The following BAZ2A variants were observed in gnomAD, a reference collection of about 807,000 sequenced individuals.
The protein encoded by BAZ2A is bromodomain adjacent to zinc finger domain 2A, also known as bromodomain adjacent to zinc finger domain protein 2A.
BAZ2A carries 34 observed loss-of-function variants against 199.9 expected under a neutral mutation model. The observed-to-expected ratio is 0.17, with a 90% CI of 0.13 to 0.23. The LOEUF (loss-of-function observed/expected upper bound fraction) is 0.23. BAZ2A is among the 10% of genes least tolerant of loss of function. The pLI, the probability that BAZ2A is intolerant of heterozygous loss-of-function variation, is 1.00. For missense variants in BAZ2A, 2,002 were observed against 2,391.1 expected, an observed-to-expected ratio of 0.84 and a Z score of 3.39; for synonymous variants, 857 against 883.9, an observed-to-expected ratio of 0.97 and a Z score of 0.54.
At chr12:56,606,204 G>A (rs1363160767) in intron 12 of BAZ2A, 43 bp downstream of exon 12, 2 of 1,612,204 alleles carry the variant, frequency 1.2e-6, no homozygotes, top group Non-Finnish European at 1.7e-6. Flanking sequence ...AATCAGTTTA[G>A]TGGCTTCGAA....
At chr12:56,635,191 T>C (rs1428868101), upstream of BAZ2A, among the ~76,000 whole-genome samples, 2 of 150,942 alleles carry the variant, frequency 1.3e-5, no homozygotes, top group African/African-American at 4.9e-5. This position sits in a 1 kb window ranked among gnomAD's most constrained non-coding sequence, Gnocchi z 4.1. Context: ...GGATCCCAGA[T>C]GGGAGGAAGA....
In BAZ2A at chr12:56,606,294, G is replaced by T. The variant is rs1333366468; in HGVS notation, c.2212C>A (p.Gln738Lys). Residue 738 changes from glutamine (Q) to lysine (K), a missense_variant, in exon 12 of 29, where the codon CAA becomes AAA. This residue lies in a region of BAZ2A where 1,081 missense variants were observed against 1,274.7 expected (regional missense o/e 0.85). Transcript: ENST00000549884. ...IQGQARNKRK[Q>K]ETKSLKQKEA... ...TTCTGCTTTAAGCTCTTGGTCTCTTGTTTCCGCTTATTTCTGGCCTGTAAA... is the reference window on the plus strand; with the variant it reads ...TTCTGCTTTAAGCTCTTGGTCTCTTTTTTCCGCTTATTTCTGGCCTGTAAA... 6.2e-7 allele frequency: 1 copy of T among 1,613,942 alleles called. No homozygotes were observed. The highest frequency in any genetic ancestry group is 1.1e-5 in the South Asian group (1 of 91,078).
chr12:56,598,410 G>C lies in BAZ2A; in HGVS notation c.*208C>G. The stretch of plus-strand genomic sequence containing the variant: ...TTTAGTCCAGAAGGACCTCATCTCT[G>C]CACCTCTTACTTGAGGAGCAAGAGG... On this transcript the variant is annotated 3_prime_UTR_variant, in exon 29 of 29. Coordinates refer to ENST00000549884, the MANE Select transcript of BAZ2A (RefSeq NM_001300905.2). 3.3e-6 allele frequency: 2 copies of C among 610,728 alleles called. No individual in the cohort carries two copies. Among genetic ancestry groups the C allele is most frequent in the Non-Finnish European group, 5.6e-6 (2 of 357,342 alleles). 37.8% of individuals were successfully genotyped at this position (610,728 alleles called of 1,614,324 possible). A position where few individuals can be genotyped will look rare whatever the true frequency, so the allele number is the denominator to read the frequency against.
At chr12:56,637,235 C>T (rs1951469375), upstream of BAZ2A, among the ~76,000 whole-genome samples, 1 of 152,206 alleles carries the variant, frequency 6.6e-6, no homozygotes, top group Non-Finnish European at 1.5e-5. Flanking sequence ...CGGAAAAGAA[C>T]ACAAGAGGAA....
In BAZ2A at chr12:56,606,691, T is replaced by C; in HGVS notation, c.2135A>G (p.Lys712Arg). ...TTGAACCTTCTGCCTCATCTTCTTC[T>C]TGCTTTTAGCAATCTTTGCTTTATC... ...EEDKAKIAKS[K>R]KKMRQKVQRG... is the part of the protein sequence containing the mutation. The change falls in exon 11 of 29, where the codon AAG becomes AGG. Residue 712 changes from lysine to arginine, a missense_variant. This residue lies in a region of BAZ2A where 1,081 missense variants were observed against 1,274.7 expected (regional missense o/e 0.85). Transcript: ENST00000549884. 3 of 1,613,960 alleles carry C rather than the reference T, an allele frequency of 1.9e-6. No individual in the cohort carries two copies. Among genetic ancestry groups the C allele is most frequent in the African/African-American group, 1.3e-5 (1 of 75,036 alleles).
At chr12:56,605,488 C>A in intron 13 of BAZ2A, 161 bp from the exon 14 acceptor site, 2 of 791,092 alleles carry the variant, frequency 2.5e-6, no homozygotes, top group Non-Finnish European at 3.8e-6. Flanking sequence ...GTGGCATGAT[C>A]TCTGCTTACT....
At chr12:56,608,741 G>C (rs1208580549) in intron 10 of BAZ2A, among the ~76,000 whole-genome samples, 1 of 149,990 alleles carries the variant, frequency 6.7e-6, no homozygotes, top group African/African-American at 2.5e-5. Context: ...GGCTAATTTT[G>C]TATTTATAGT....
rs1950579568 is a variant in BAZ2A at position 56,612,208 on chromosome 12, G to C, written c.1174C>G (p.Gln392Glu). The change falls in exon 6 of 29, where the codon CAG becomes GAG. Residue 392 changes from glutamine (Q) to glutamate (E), a missense_variant. By Grantham distance (29) the Gln-to-Glu change is conservative. Around this residue, in one of 6 missense-constraint regions of BAZ2A, gnomAD observed 641 missense variants for 694.5 expected, o/e 0.92. Transcript: ENST00000549884. The part of the protein sequence containing the change: ...FDLNNGSDAE[Q>E]EEMETQSSDF... ...GAAGATTGAGTTTCCATTTCTTCCT[G>C]TTCAGCGTCACTACCATTATTCAGG... The C allele has an allele frequency of 1.2e-6, 2 of 1,613,468 alleles. No homozygotes were observed. The highest frequency in any genetic ancestry group is 1.7e-6 in the Non-Finnish European group (2 of 1,179,834).
rs761034767 is a variant in BAZ2A, at chr12:56,615,331, G to C, written c.413C>G (p.Thr138Ser). The C allele has an allele frequency of 3.1e-6, 5 of 1,613,934 alleles. No individual in the cohort carries two copies. Among genetic ancestry groups the C allele is most frequent in the Admixed American group, 1.7e-5 (1 of 60,014 alleles). ...CTCTTGGCTCCCAGCCCGAAGGTTAGTGTTATGACTTGGGGATGAAGGTTG... is the reference window on the plus strand; with the variant it reads ...CTCTTGGCTCCCAGCCCGAAGGTTACTGTTATGACTTGGGGATGAAGGTTG... ...SRQPSSPSHN[T>S]NLRAGSQEFW... Residue 138 changes from threonine to serine, a missense_variant, in exon 3 of 29, where the codon ACT (threonine) becomes AGT (serine). Around this residue, in one of 6 missense-constraint regions of BAZ2A, gnomAD observed 641 missense variants for 694.5 expected, o/e 0.92. Transcript: ENST00000549884.
At chr12:56,637,291 A>G (rs1273750391), upstream of BAZ2A, among the ~76,000 whole-genome samples, 3 of 152,216 alleles carry the variant, frequency 2.0e-5, no homozygotes, top group Admixed American at 6.5e-5. Flanking sequence ...ATGGTAAAAT[A>G]TATCTTCTAC....
chr12:56,599,404 T>C, intron 26 of BAZ2A, 46 bp from the exon 27 acceptor site: 1 of 1,566,614 alleles, frequency 6.4e-7, no homozygotes, highest in South Asian at 1.1e-5. Flanking sequence ...GGAGATGCAC[T>C]GCTTGCCCTA....
At chr12:56,611,518 G>C in intron 7 of BAZ2A, 55 bp downstream of exon 7, 3 of 1,534,828 alleles carry the variant, frequency 2.0e-6, no homozygotes, top group African/African-American at 1.4e-5. Flanking sequence ...CTTCTTTCTA[G>C]AGTTGTGCAT....
At chr12:56,638,063 A>G, upstream of BAZ2A, 1 of 382,050 alleles carries the variant, frequency 2.6e-6, no homozygotes. Context: ...CGAGCCCAGG[A>G]GTTAGAGACC....
chr12:56,610,372 G>A (rs1052177535), intron 8 of BAZ2A, 37 bp downstream of exon 8: 1 of 1,602,690 alleles, frequency 6.2e-7, no homozygotes, highest in African/African-American at 1.3e-5. Flanking sequence ...AGTCCACTGA[G>A]CCCAAGAAAG....
chr12:56,601,043 G>C lies in BAZ2A; in HGVS notation c.4350C>G (p.Leu1450=), dbSNP rs1332859007. 9 of 1,611,064 alleles carry C rather than the reference G, an allele frequency of 5.6e-6. No individual in the cohort carries two copies. The highest frequency in any genetic ancestry group is 7.6e-6 in the Non-Finnish European group (9 of 1,178,546). The change falls in exon 22 of 29, where the codon CTC becomes CTG. Residue 1450 remains leucine, a synonymous_variant. Coordinates refer to ENST00000549884, the MANE Select transcript of BAZ2A (RefSeq NM_001300905.2). Reference sequence around the variant, plus strand: ...GGATACCTCGGGGGTGTAGGGCCTTGAGCATGGCATCCAACATCTCAGGAT... The same window carrying C: ...GGATACCTCGGGGGTGTAGGGCCTTCAGCATGGCATCCAACATCTCAGGAT... ...IRDPEMLDAM[L]KALHPRGIRE...
Position 56,604,887 on chromosome 12 carries a change from A to C in BAZ2A, c.2749-88T>G, listed in dbSNP as rs866964714. ...GTGCAAGAGGAAAATACATCAGAAG[A>C]GAACTATGGGGGTTAAGACAGAATA... is the stretch of plus-strand genomic sequence containing the variant. On this transcript the variant is annotated intron_variant, in intron 14 of 28. Coordinates refer to ENST00000549884, the MANE Select transcript of BAZ2A (RefSeq NM_001300905.2). The C allele has an allele frequency of 8.2e-6, 12 of 1,464,900 alleles. No homozygotes were observed. In the South Asian group the frequency reaches 1.2e-4, roughly 15 times the overall value. 90.7% of individuals were successfully genotyped at this position (1,464,900 alleles called of 1,614,324 possible).
In BAZ2A at chr12:56,597,635, C is replaced by A; in HGVS notation, c.*983G>T. ...CACACACACACAGCGCGCTCTGAGG[C>A]CGACACACACACACACACACACACA... On this transcript the variant is annotated 3_prime_UTR_variant, in exon 29 of 29. Coordinates refer to ENST00000549884, the MANE Select transcript of BAZ2A (RefSeq NM_001300905.2). 1 of 96,240 alleles carries A rather than the reference C, an allele frequency of 1.0e-5. No homozygotes were observed. 6.0% of individuals were successfully genotyped at this position (96,240 alleles called of 1,614,324 possible). A position where few individuals can be genotyped will look rare whatever the true frequency, so the allele number is the denominator to read the frequency against.
In BAZ2A at chr12:56,598,308, C is replaced by T. The variant is rs547830398; in HGVS notation, c.*310G>A. 1.1e-4 allele frequency: 34 copies of T among 299,688 alleles called. No homozygotes were observed. The highest frequency in any genetic ancestry group is 8.2e-4 in the South Asian group (22 of 26,842). 18.6% of individuals were successfully genotyped at this position (299,688 alleles called of 1,614,324 possible). A position where few individuals can be genotyped will look rare whatever the true frequency, so the allele number is the denominator to read the frequency against. ...GGAAGCAGGGAGGAGGAAGTAGGGACGACTTTCCCCCTCCCCATTTTTAAT... is the reference window on the plus strand; with the variant it reads ...GGAAGCAGGGAGGAGGAAGTAGGGATGACTTTCCCCCTCCCCATTTTTAAT... On this transcript the variant is annotated 3_prime_UTR_variant, in exon 29 of 29. Coordinates refer to ENST00000549884, the MANE Select transcript of BAZ2A (RefSeq NM_001300905.2).
At chr12:56,614,801 T>G (rs775573000) in intron 3 of BAZ2A, 7 of 608,488 alleles carry the variant, frequency 1.2e-5, no homozygotes, top group Non-Finnish European at 2.0e-5. Context: ...AAGCTCTGCA[T>G]GAGCTTGAAA....
Sources: allele counts gnomAD v4.1 joint callset (sites outside exome capture counted in the v4.1 genomes callset), GRCh38; gene constraint gnomAD v4.1.1; regional missense constraint gnomAD v4.1.1; non-coding constraint Gnocchi (gnomAD v3.1); transcripts MANE v1.5; gene names NCBI Gene and HGNC (gene_info 2026-07-23, HGNC 2026-07-21).